Variants in TMED7 observed in about 807,000 individuals in gnomAD.
TMED7 encodes the protein transmembrane emp24 domain-containing protein 7.
TMED7 carries 8 observed loss-of-function variants against 23.4 expected under a neutral mutation model. That is an observed-to-expected ratio of 0.34 (90% confidence interval 0.20 to 0.62). The LOEUF is 0.62. Among genes scored for constraint, TMED7 ranks in the 20% least tolerant of loss-of-function variants. The pLI is 0.77. For missense variants in TMED7, 232 were observed against 279.1 expected (o/e 0.83, Z 1.20); for synonymous variants, 121 against 108.5 (o/e 1.12, Z -0.72).
intron 2 of TMED7, 97 bp downstream of exon 2, chr5:115,620,338 C>T (rs1305253095): frequency 7.5e-7 from 1 of 1,327,806 alleles, no homozygotes; most frequent in South Asian, 2.6e-5. Context: ...CTGTCAGTCT[C>T]AAAATTCCAT....
At position 115,625,639 on chromosome 5, in the gene TMED7, C is replaced by A. The variant is rs753271890; in HGVS notation, c.154G>T (p.Asp52Tyr). 1.9e-6 allele frequency: 3 copies of A among 1,601,024 alleles called. No homozygotes were observed. Among genetic ancestry groups the A allele is most frequent in the Non-Finnish European group, 2.6e-6 (3 of 1,174,318 alleles). The change falls in exon 1 of 3, where the codon GAC becomes TAC. Residue 52 changes from aspartate to tyrosine, a missense_variant. Transcript: ENST00000456936. ...GTGCACTTGGTGCCCTGAGCGATGTCCTCGTAGAAGCACTGCTTGGCGTTG... is the reference window on the plus strand; with the variant it reads ...GTGCACTTGGTGCCCTGAGCGATGTACTCGTAGAAGCACTGCTTGGCGTTG... ...PDNAKQCFYE[D>Y]IAQGTKCTLE... is the part of the protein sequence containing the mutation.
chr5:115,623,348 C>T (rs1343189983), intron 1 of TMED7, among the ~76,000 whole-genome samples: 2 of 152,198 alleles, frequency 1.3e-5, no homozygotes, highest in Non-Finnish European at 2.9e-5. Flanking sequence ...TCCTGCTACG[C>T]AGCTAGTCTC....
At position 115,625,954 on chromosome 5, in the gene TMED7, C is replaced by T; in HGVS notation, c.-162G>A. ...ATTCGGGATCAGAGCGACCCTCCGG[C>T]TTCCTGTGAGGGGCGCAGACGGGCG... is the stretch of plus-strand genomic sequence containing the variant. On this transcript the variant is annotated 5_prime_UTR_variant, in exon 1 of 3. Coordinates refer to ENST00000456936, the MANE Select transcript of TMED7 (RefSeq NM_181836.6). The T allele has an allele frequency of 9.4e-7, 1 of 1,061,070 alleles. No individual in the cohort carries two copies. Among genetic ancestry groups the T allele is most frequent in the Non-Finnish European group, 1.2e-6 (1 of 822,776 alleles). 65.7% of individuals were successfully genotyped at this position (1,061,070 alleles called of 1,614,324 possible).
intron 2 of TMED7, 157 bp from the exon 3 acceptor site, chr5:115,616,602 T>G: frequency 9.1e-7 from 1 of 1,099,906 alleles, no homozygotes; most frequent in South Asian, 1.6e-5. Flanking sequence ...GTCTTTGCAA[T>G]GAAACCCCCC....
rs970057827 is a variant in TMED7, at chr5:115,616,323, G to C, written c.561C>G (p.Ala187=). 3 of 1,613,996 alleles carry C rather than the reference G, an allele frequency of 1.9e-6. No homozygotes were observed. The African/African-American group carries it at 4.0e-5, about 22-fold the overall frequency. Residue 187 remains alanine (A), a synonymous_variant, in exon 3 of 3, where the codon GCC becomes GCG. Coordinates refer to ENST00000456936, the MANE Select transcript of TMED7 (RefSeq NM_181836.6). ...SRAEDLNTRV[A]YWSVGEALIL... The stretch of plus-strand genomic sequence containing the variant: ...TGAGGGCTTCTCCTACTGACCAATA[G>C]GCCACTCTTGTATTTAGATCCTCTG...
At chr5:115,624,166 T>C (rs1213599489) in intron 1 of TMED7, among the ~76,000 whole-genome samples, 1 of 152,208 alleles carries the variant, frequency 6.6e-6, no homozygotes, top group Non-Finnish European at 1.5e-5. Flanking sequence ...GAAATGTTTA[T>C]TAAATTCAAA....
At chr5:115,618,725 T>C (rs899212310) in intron 2 of TMED7, among the ~76,000 whole-genome samples, 1 of 152,096 alleles carries the variant, frequency 6.6e-6, no homozygotes, top group African/African-American at 2.4e-5. Context: ...AATGTCTAGT[T>C]ATCTCTCCAT....
At position 115,625,723 on chromosome 5, in the gene TMED7, G is replaced by A. The variant is rs776977530; in HGVS notation, c.70C>T (p.Leu24=). The change falls in exon 1 of 3, where the codon CTG becomes TTG. Residue 24 remains leucine, a synonymous_variant. Coordinates refer to ENST00000456936, the MANE Select transcript of TMED7 (RefSeq NM_181836.6). ...AGRWGCRLLA[L]LLLVPGPGGA... ...CCGGGTCCAGGCACCAGTAGCAGCA[G>A]TGCGAGCAGCCTGCACCCCCAACGG... is the stretch of plus-strand genomic sequence containing the variant. The A allele has an allele frequency of 6.3e-6, 10 of 1,595,292 alleles. No individual in the cohort carries two copies. In the East Asian group the frequency reaches 6.9e-5, roughly 11 times the overall value.
chr5:115,620,663 G>C lies in TMED7; in HGVS notation c.210C>G (p.His70Gln), dbSNP rs746551912. 6.6e-7 allele frequency: 1 copy of C among 1,511,200 alleles called. No individual in the cohort carries two copies. The highest frequency in any genetic ancestry group is 8.9e-7 in the Non-Finnish European group (1 of 1,129,670). 93.6% of individuals were successfully genotyped at this position (1,511,200 alleles called of 1,614,324 possible). ...TLEFQVITGG[H>Q]YDVDCRLEDP... Reference sequence around the variant, plus strand: ...CTTCTAATCGACAATCTACATCATAGTGACCACCAGTAATCACCTGTAAGA... The same window carrying C: ...CTTCTAATCGACAATCTACATCATACTGACCACCAGTAATCACCTGTAAGA... Residue 70 changes from histidine (H) to glutamine (Q), a missense_variant, in exon 2 of 3, where the codon CAC (histidine) becomes CAG (glutamine). His to Gln is a conservative substitution (Grantham distance 24). Transcript: ENST00000456936.
At position 115,615,694 on chromosome 5, in the gene TMED7, A is replaced by G. The variant is rs904459796; in HGVS notation, c.*515T>C. 1.3e-5 allele frequency: 2 copies of G among 153,766 alleles called. No individual in the cohort carries two copies. Among genetic ancestry groups the G allele is most frequent in the African/African-American group, 4.8e-5 (2 of 41,474 alleles). The allele number at this position is 153,766 out of a possible 1,614,324, so 9.5% of individuals were successfully genotyped here. On this transcript the variant is annotated 3_prime_UTR_variant, in exon 3 of 3. Transcript: ENST00000456936. The stretch of plus-strand genomic sequence containing the variant: ...AGTGAGAAATCAATTTTACCATGAT[A>G]TATCAATATTAACTAACATTCCTAT...
chr5:115,620,456 G>C lies in TMED7; in HGVS notation c.417C>G (p.Asn139Lys). Residue 139 changes from asparagine (N) to lysine (K), a missense_variant, in exon 2 of 3, where the codon AAC becomes AAG. By Grantham distance (94) the Asn-to-Lys change is moderately conservative. This residue lies in a region of TMED7 where 126 missense variants were observed against 182.1 expected (regional missense o/e 0.69). Transcript: ENST00000456936. ...TTACCTGGGTAAGAGCACTGACTCGGTTCTCACTAGGAAACAAAGGTGGGT... is the reference window on the plus strand; with the variant it reads ...TTACCTGGGTAAGAGCACTGACTCGCTTCTCACTAGGAAACAAAGGTGGGT... Reference protein sequence around the residue: ...GEDPPLFPSENRVSALTQMES... With the variant: ...GEDPPLFPSEKRVSALTQMES... The C allele has an allele frequency of 6.4e-7, 1 of 1,555,168 alleles. No homozygotes were observed. The highest frequency in any genetic ancestry group is 8.7e-7 in the Non-Finnish European group (1 of 1,152,490).
rs933530611 is a variant in TMED7 at position 115,614,929 on chromosome 5, A to G, written c.*1280T>C. Reference sequence around the variant, plus strand: ...CGGCAGAAAAGCAGTTGCAATTAAAAAAAAAAAAAACAGCAGAAAAGCTTT... The same window carrying G: ...CGGCAGAAAAGCAGTTGCAATTAAAGAAAAAAAAAACAGCAGAAAAGCTTT... On this transcript the variant is annotated 3_prime_UTR_variant, in exon 3 of 3. Transcript: ENST00000456936. 3.9e-5 allele frequency: 6 copies of G among 152,092 alleles called. No individual in the cohort carries two copies. Among genetic ancestry groups the G allele is most frequent in the Admixed American group, 3.9e-4 (6 of 15,270 alleles). 9.4% of individuals were successfully genotyped at this position (152,092 alleles called of 1,614,324 possible). A position where few individuals can be genotyped will look rare whatever the true frequency, so the allele number is the denominator to read the frequency against.
At chr5:115,621,538 G>A (rs367586366) in intron 1 of TMED7, among the ~76,000 whole-genome samples, 6 of 152,316 alleles carry the variant, frequency 3.9e-5, no homozygotes, top group African/African-American at 1.4e-4. Flanking sequence ...CCTGGAGGTA[G>A]GTGATATGAG....
chr5:115,616,636 G>A (rs921194112), intron 2 of TMED7, 191 bp from the exon 3 acceptor site: 19 of 807,130 alleles, frequency 2.4e-5, no homozygotes, highest in Admixed American at 5.6e-5. Context: ...TGGGACAACT[G>A]TTAAGGCTAG....
Position 115,625,861 on chromosome 5 carries a change from G to A in TMED7, c.-69C>T. 1 of 1,337,144 alleles carries A rather than the reference G, an allele frequency of 7.5e-7. No homozygotes were observed. The highest frequency in any genetic ancestry group is 2.0e-5 in the South Asian group (1 of 49,050). 82.8% of individuals were successfully genotyped at this position (1,337,144 alleles called of 1,614,324 possible). ...GGTCAGGTCTGCGCGGACTCACCGC[G>A]CGCGGCAGGCCTCAGCGCAGGCCAC... On this transcript the variant is annotated 5_prime_UTR_variant, in exon 1 of 3. Transcript: ENST00000456936.
In TMED7 at chr5:115,625,918, G is replaced by A. The variant is rs1243993127; in HGVS notation, c.-126C>T. ...AAGATACACAGCAGAGCAGGTTCAC[G>A]CCTGTGGGAGATTCGGGATCAGAGC... On this transcript the variant is annotated 5_prime_UTR_variant, in exon 1 of 3. Transcript: ENST00000456936. 4 of 1,231,026 alleles carry A rather than the reference G, an allele frequency of 3.2e-6. No individual in the cohort carries two copies. Among genetic ancestry groups the A allele is most frequent in the Admixed American group, 4.3e-5 (1 of 23,480 alleles). The allele number at this position is 1,231,026 out of a possible 1,614,324, so 76.3% of individuals were successfully genotyped here. A position where few individuals can be genotyped will look rare whatever the true frequency, so the allele number is the denominator to read the frequency against.
Position 115,613,590 on chromosome 5 carries a change from C to T in TMED7, c.*2619G>A, listed in dbSNP as rs1756557672. Reference sequence around the variant, plus strand: ...TTCTTTTCAAAAGTAAATGAAAAACCCCTCTGAATTATTTATATATTAATT... The same window carrying T: ...TTCTTTTCAAAAGTAAATGAAAAACTCCTCTGAATTATTTATATATTAATT... On this transcript the variant is annotated 3_prime_UTR_variant, in exon 3 of 3. Transcript: ENST00000456936. The T allele has an allele frequency of 6.6e-6, 1 of 151,776 alleles. No individual in the cohort carries two copies. Among genetic ancestry groups the T allele is most frequent in the African/African-American group, 2.4e-5 (1 of 41,306 alleles). 9.4% of individuals were successfully genotyped at this position (151,776 alleles called of 1,614,324 possible).
chr5:115,617,430 A>G (rs536704374), intron 2 of TMED7, among the ~76,000 whole-genome samples: 1 of 152,350 alleles, frequency 6.6e-6, no homozygotes, highest in South Asian at 2.1e-4. Flanking sequence ...AAGTGCTTTT[A>G]AAAAATGTAA....
chr5:115,616,662 G>T (rs1756768198), intron 2 of TMED7: 1 of 660,030 alleles, frequency 1.5e-6, no homozygotes, highest in Admixed American at 3.0e-5. Flanking sequence ...TCATGAAGCA[G>T]CTGTTTTCCC....
Sources: allele counts gnomAD v4.1 joint callset (sites outside exome capture counted in the v4.1 genomes callset), GRCh38; gene constraint gnomAD v4.1.1; regional missense constraint gnomAD v4.1.1; transcripts MANE v1.5; gene names NCBI Gene and HGNC (gene_info 2026-07-23, HGNC 2026-07-21).